The following NRXN3 variants were observed in gnomAD, a reference collection of about 807,000 sequenced individuals.
NRXN3 encodes neurexin 3, also known as neurexin III.
In NRXN3, 32 loss-of-function variants were observed where a neutral mutation model predicts 137.6. That is an observed-to-expected ratio of 0.23 (90% CI 0.18 to 0.31). The LOEUF (loss-of-function observed/expected upper bound fraction) is 0.31, where lower values mean the gene tolerates loss of function less well. NRXN3 is among the 10% of genes least tolerant of loss of function. The pLI, the probability that NRXN3 is intolerant of heterozygous loss-of-function variation, is 1.00. For synonymous variants in NRXN3, 798 were observed against 784.5 expected (o/e 1.02, Z -0.29); for missense variants, 1,574 against 2,062.5 (o/e 0.76, Z 4.59).
intron 16 of NRXN3, among the ~76,000 whole-genome samples, chr14:79,594,293 G>T (rs2097840960): frequency 6.6e-6 from 1 of 152,002 alleles, no homozygotes; most frequent in Non-Finnish European, 1.5e-5. Flanking sequence ...ATAATAATTG[G>T]GACTGAGTGT....
intron 8 of NRXN3, among the ~76,000 whole-genome samples, chr14:78,793,818 GC>G (rs2098812893): frequency 6.6e-6 from 1 of 152,012 alleles, no homozygotes; most frequent in African/African-American, 2.4e-5. Context: ...CTGACTCAAG[GC>G]CCTAGGCTTG....
chr14:79,825,226 T>TA (rs2099291958), intron 20 of NRXN3, among the ~76,000 whole-genome samples: 2 of 138,300 alleles, frequency 1.4e-5, no homozygotes, highest in Non-Finnish European at 3.2e-5. Flanking sequence ...TTTTTTTTTT[T>TA]ACGGCCGTCC....
chr14:78,553,738 C>G (rs772580032), intron 4 of NRXN3, among the ~76,000 whole-genome samples: 10 of 152,296 alleles, frequency 6.6e-5, no homozygotes, highest in African/African-American at 9.6e-5. Context: ...TCTACCCATA[C>G]CCTCATCCAA....
Position 78,863,347 on chromosome 14 carries a change from C to T in NRXN3, c.2275+53003C>T, listed in dbSNP as rs544084725. On this transcript the variant is annotated intron_variant, in intron 10 of 20. Coordinates refer to ENST00000335750, the MANE Select transcript of NRXN3 (RefSeq NM_001330195.2). ...AGTTCAGCCCCCGTATGGAGCTATC[C>T]AGGGTGCTGAACGTGCTCTGCAACT... is the stretch of plus-strand genomic sequence containing the variant. Among the ~76,000 whole-genome samples the T allele has an allele frequency of 1.4e-3, 206 of 152,236 alleles. 1 individual carries two copies. The highest frequency in any genetic ancestry group is 4.7e-3 in the African/African-American group (197 of 41,556).
chr14:78,778,764 CTTTCTT>C (rs1184251559), intron 8 of NRXN3, among the ~76,000 whole-genome samples: 4 of 31,090 alleles, frequency 1.3e-4, no homozygotes, highest in East Asian at 8.8e-4. Flanking sequence ...CTTTCTCTTT[CTTTCTT>C]TCTTTCTTTC....
intron 15 of NRXN3, among the ~76,000 whole-genome samples, chr14:79,167,936 GTT>G (rs59584874): frequency 4.0e-4 from 53 of 133,824 alleles, no homozygotes; most frequent in African/African-American, 4.6e-4. Flanking sequence ...TTCTTTCCTT[GTT>G]TTTTTTTTTT....
chr14:79,549,602 A>C (rs2153746635), intron 16 of NRXN3, among the ~76,000 whole-genome samples: 1 of 152,152 alleles, frequency 6.6e-6, no homozygotes, highest in African/African-American at 2.4e-5. Flanking sequence ...TGCTCTGCAA[A>C]CATCAAAAAG....
At chr14:79,825,085 C>CTTA (rs1478474629) in intron 20 of NRXN3, among the ~76,000 whole-genome samples, 1 of 151,788 alleles carries the variant, frequency 6.6e-6, no homozygotes, top group Non-Finnish European at 1.5e-5. Context: ...TGGAGTCAAC[C>CTTA]TTATCCCTTC....
chr14:79,096,517 C>T (rs12894123), intron 15 of NRXN3, among the ~76,000 whole-genome samples: 76,387 of 151,962 alleles, frequency 0.5, 22,442 homozygotes, highest in East Asian at 0.78. Flanking sequence ...AACTATGAGA[C>T]TGCAGGCAGT....
intron 15 of NRXN3, among the ~76,000 whole-genome samples, chr14:79,020,862 T>TAC (rs3035451): frequency 0.21 from 30,025 of 144,926 alleles, 3,183 homozygotes; most frequent in Middle Eastern, 0.31. Context: ...GCTTGCATTT[T>TAC]ACACACACAC....
intron 4 of NRXN3, among the ~76,000 whole-genome samples, chr14:78,403,259 G>A (rs2092239819): frequency 6.6e-6 from 1 of 152,182 alleles, no homozygotes; most frequent in South Asian, 2.1e-4. Context: ...AAACACTGCC[G>A]GCTTTCGCCC....
At chr14:78,932,163 A>T (rs375201738) in intron 10 of NRXN3, among the ~76,000 whole-genome samples, 13 of 152,158 alleles carry the variant, frequency 8.5e-5, no homozygotes, top group South Asian at 4.1e-4. Flanking sequence ...TAATTAATTA[A>T]TTTTTTTAAA....
chr14:79,427,519 T>C (rs1333664147), intron 15 of NRXN3, among the ~76,000 whole-genome samples: 1 of 151,472 alleles, frequency 6.6e-6, no homozygotes, highest in Non-Finnish European at 1.5e-5. Context: ...GAATGGTGAG[T>C]AAAAAATTAA....
At chr14:79,280,036 T>G in intron 15 of NRXN3, 2 of 1,304,352 alleles carry the variant, frequency 1.5e-6, no homozygotes, top group African/African-American at 1.5e-5. Flanking sequence ...TTGCTATACC[T>G]GGGAGGACCC....
chr14:79,172,241 T>G (rs547051753), intron 15 of NRXN3, among the ~76,000 whole-genome samples: 3 of 151,892 alleles, frequency 2.0e-5, no homozygotes, highest in South Asian at 2.1e-4. Flanking sequence ...ATCTGAATCA[T>G]GGCCATAATA....
chr14:79,470,002 T>G (rs1343404917), intron 16 of NRXN3, among the ~76,000 whole-genome samples: 1 of 152,206 alleles, frequency 6.6e-6, no homozygotes, highest in African/African-American at 2.4e-5. Context: ...AAATACTTAT[T>G]AAGATACTTT....
chr14:79,784,619 T>A lies in NRXN3; in HGVS notation c.4015-20493T>A, dbSNP rs1268576933. Among the ~76,000 whole-genome samples, 14 of 147,724 alleles carry A rather than the reference T, an allele frequency of 9.5e-5. No homozygotes were observed. In the East Asian group the frequency reaches 2.7e-3, roughly 29 times the overall value. On this transcript the variant is annotated intron_variant, in intron 19 of 20. Coordinates refer to ENST00000335750, the MANE Select transcript of NRXN3 (RefSeq NM_001330195.2). ...AGGTACTTTTTGTTGTGTTGCTTTT[T>A]TTTTTTTTTTTTTTTTTTTAATACA...
chr14:79,365,485 C>T (rs1341212704), intron 15 of NRXN3, among the ~76,000 whole-genome samples: 1 of 150,496 alleles, frequency 6.6e-6, no homozygotes, highest in African/African-American at 2.4e-5. Context: ...TTTGGGAGGC[C>T]GAGGCGGGTG....
intron 16 of NRXN3, among the ~76,000 whole-genome samples, chr14:79,556,212 G>A (rs1479962497): frequency 6.6e-6 from 1 of 152,112 alleles, no homozygotes; most frequent in Non-Finnish European, 1.5e-5. Context: ...AACATGTCCA[G>A]ACTCTTCCAT....
Sources: gnomAD v4.1 joint callset for allele counts (sites outside exome capture counted in the v4.1 genomes callset) on GRCh38, gnomAD v4.1.1 for gene constraint, MANE v1.5 for transcripts, NCBI Gene and HGNC (gene_info 2026-07-23, HGNC 2026-07-21) for gene names.